DCLK2: variants seen among roughly 807,000 people sequenced by gnomAD.
DCLK2 encodes the protein doublecortin like kinase 2.
Under a neutral mutation model 78.4 loss-of-function variants are expected in DCLK2, and 31 were observed. The observed-to-expected ratio is 0.40, with a 90% CI of 0.30 to 0.53. DCLK2 has a LOEUF of 0.53. DCLK2 is among the 20% of genes least tolerant of loss of function. The pLI is 0.61. For missense variants in DCLK2, 872 were observed against 973.7 expected, an observed-to-expected ratio of 0.90 and a Z score of 1.39; for synonymous variants, 407 against 374.9, an observed-to-expected ratio of 1.09 and a Z score of -0.99.
Position 150,248,293 on chromosome 4 carries a change from G to A in DCLK2, c.1876-12G>A, listed in dbSNP as rs1236261523. 1 of 1,612,596 alleles carries A rather than the reference G, an allele frequency of 6.2e-7. No individual in the cohort carries two copies. Among genetic ancestry groups the A allele is most frequent in the South Asian group, 1.1e-5 (1 of 91,022 alleles). ...TCCTCCTCTGTGGTCTGACTTGTTT[G>A]TTTATTTGTAGGAATTAATCAGTCA... On this transcript the variant is annotated splice_polypyrimidine_tract_variant and intron_variant, in intron 13 of 15. Transcript: ENST00000296550.
intron 15 of DCLK2, among the ~76,000 whole-genome samples, chr4:150,252,554 T>C (rs908086707): frequency 6.6e-6 from 1 of 152,218 alleles, no homozygotes; most frequent in African/African-American, 2.4e-5. Flanking sequence ...CTGGAATGAT[T>C]AGCTGTTCTA....
intron 1 of DCLK2, among the ~76,000 whole-genome samples, chr4:150,088,252 T>C (rs2150135399): frequency 6.6e-6 from 1 of 152,320 alleles, no homozygotes; most frequent in Non-Finnish European, 1.5e-5. Flanking sequence ...ACTTGAGAAA[T>C]AGTACAGTGT....
At chr4:150,147,753 A>T (rs931554587) in intron 2 of DCLK2, among the ~76,000 whole-genome samples, 1 of 152,228 alleles carries the variant, frequency 6.6e-6, no homozygotes, top group Non-Finnish European at 1.5e-5. Context: ...CAGATGTACA[A>T]TCCACTGTAT....
At chr4:150,246,243 C>T (rs1743298304) in intron 12 of DCLK2, among the ~76,000 whole-genome samples, 1 of 152,116 alleles carries the variant, frequency 6.6e-6, no homozygotes, top group Non-Finnish European at 1.5e-5. Flanking sequence ...GACAGGGTTT[C>T]ACCAAGTTGG....
intron 2 of DCLK2, among the ~76,000 whole-genome samples, chr4:150,139,777 A>G (rs59423365): frequency 0.24 from 35,978 of 152,110 alleles, 4,988 homozygotes; most frequent in South Asian, 0.51. Context: ...AGGGAGGCTC[A>G]GCAGTGCCAA....
chr4:150,249,675 C>A lies in DCLK2; in HGVS notation c.2064C>A (p.Ser688=), dbSNP rs563309336. ...AGAACAGCACTACCACCGGGGTCTC[C>A]GTCATCATGGTGAGTGGAAGGCGGC... ...PKQNSTTTGV[S]VIMNTALDKE... The change falls in exon 15 of 16, where the codon TCC becomes TCA. Residue 688 remains serine (S), a synonymous_variant. Transcript: ENST00000296550. The A allele has an allele frequency of 1.2e-6, 2 of 1,613,288 alleles. No individual in the cohort carries two copies. The highest frequency in any genetic ancestry group is 8.5e-7 in the Non-Finnish European group (1 of 1,179,758).
chr4:150,206,161 T>A (rs1580714801), intron 5 of DCLK2, among the ~76,000 whole-genome samples: 1 of 152,320 alleles, frequency 6.6e-6, no homozygotes, highest in African/African-American at 2.4e-5. Context: ...CATGTTAATA[T>A]TCTGTGCACA....
intron 2 of DCLK2, among the ~76,000 whole-genome samples, chr4:150,153,615 A>G (rs1735048818): frequency 6.6e-6 from 1 of 151,564 alleles, no homozygotes; most frequent in African/African-American, 2.4e-5. Flanking sequence ...GGTTTTTTCC[A>G]TGTTGCCCAG....
At chr4:150,177,655 C>T (rs1241521725) in intron 2 of DCLK2, among the ~76,000 whole-genome samples, 2 of 151,996 alleles carry the variant, frequency 1.3e-5, no homozygotes, top group Admixed American at 6.5e-5. Flanking sequence ...AGGAATAGAT[C>T]GATGAGCCAA....
chr4:150,140,036 G>A lies in DCLK2; in HGVS notation c.756+37224G>A, dbSNP rs1580580478. Among the ~76,000 whole-genome samples the A allele has an allele frequency of 5.3e-5, 8 of 152,198 alleles. 2 individuals carry two copies. Among genetic ancestry groups the A allele is most frequent in the Admixed American group, 6.5e-5 (1 of 15,278 alleles). ...TCTATAAAGGTGAGTGTTGGTCTGT[G>A]TTTCAAAATGACATAAAAATTTTTA... On this transcript the variant is annotated intron_variant, in intron 2 of 15. Transcript: ENST00000296550.
chr4:150,091,418 A>G (rs995579110), intron 1 of DCLK2, among the ~76,000 whole-genome samples: 1 of 152,048 alleles, frequency 6.6e-6, no homozygotes, highest in East Asian at 1.9e-4. Context: ...CTGTGTTACC[A>G]TATTTAAGTA....
intron 12 of DCLK2, among the ~76,000 whole-genome samples, chr4:150,246,283 G>A (rs1292778981): frequency 6.6e-6 from 1 of 152,088 alleles, no homozygotes; most frequent in African/African-American, 2.4e-5. Flanking sequence ...CTGACCTCAG[G>A]TAATCCACCC....
intron 2 of DCLK2, among the ~76,000 whole-genome samples, chr4:150,155,089 G>A (rs1256383703): frequency 6.6e-6 from 1 of 152,152 alleles, no homozygotes; most frequent in African/African-American, 2.4e-5. Flanking sequence ...AAAATTAGCT[G>A]GGTGTGGTGG....
At chr4:150,177,862 A>ATAT (rs916089604) in intron 2 of DCLK2, among the ~76,000 whole-genome samples, 3 of 152,210 alleles carry the variant, frequency 2.0e-5, no homozygotes, top group Admixed American at 2.0e-4. Context: ...GGAAGGATAT[A>ATAT]TGCCAAATGC....
At chr4:150,128,659 G>A (rs893850464) in intron 2 of DCLK2, among the ~76,000 whole-genome samples, 1 of 152,162 alleles carries the variant, frequency 6.6e-6, no homozygotes, top group Admixed American at 6.5e-5. Flanking sequence ...CTTATGGGAA[G>A]TAGCTCCTAA....
chr4:150,166,407 T>A (rs1367333585), intron 2 of DCLK2, among the ~76,000 whole-genome samples: 1 of 146,648 alleles, frequency 6.8e-6, no homozygotes, highest in Non-Finnish European at 1.5e-5. Context: ...GTTAGGAGGA[T>A]CACTTGAGCC....
chr4:150,113,195 C>T (rs1420600120), intron 2 of DCLK2, among the ~76,000 whole-genome samples: 1 of 152,062 alleles, frequency 6.6e-6, no homozygotes, highest in Non-Finnish European at 1.5e-5. Flanking sequence ...GGATATTGGT[C>T]TGTAGTTTTC....
chr4:150,144,143 G>T (rs1167804390), intron 2 of DCLK2, among the ~76,000 whole-genome samples: 5 of 152,102 alleles, frequency 3.3e-5, no homozygotes, highest in Admixed American at 3.3e-4. Flanking sequence ...TTGACTTCAA[G>T]CTTAGTCAAG....
intron 12 of DCLK2, among the ~76,000 whole-genome samples, chr4:150,243,081 GC>G (rs1743046842): frequency 1.3e-5 from 2 of 152,156 alleles, no homozygotes; most frequent in Non-Finnish European, 2.9e-5. Context: ...GTTTGCAGTT[GC>G]TGGTGCAGCC....
Sources: allele counts gnomAD v4.1 joint callset (sites outside exome capture counted in the v4.1 genomes callset), GRCh38; gene constraint gnomAD v4.1.1; transcripts MANE v1.5; gene names NCBI Gene and HGNC (gene_info 2026-07-23, HGNC 2026-07-21).